Variants in ZCCHC4 observed in about 807,000 individuals in gnomAD.
ZCCHC4 encodes zinc finger CCHC-type containing 4, also known as rRNA N(6)-adenosine-methyltransferase ZCCHC4.
ZCCHC4 carries 54 observed loss-of-function variants against 67.7 expected under a neutral mutation model. The ratio of observed to expected loss-of-function variants is 0.80; its 90% CI spans 0.64 to 1.00. The LOEUF (loss-of-function observed/expected upper bound fraction) is 1.00. Among genes scored for constraint, ZCCHC4 ranks in the 50% least tolerant of loss-of-function variants. The pLI is 0.00. For missense variants in ZCCHC4, 609 were observed against 617.0 expected (o/e 0.99, Z 0.14); for synonymous variants, 198 against 213.5 (o/e 0.93, Z 0.63).
chr4:25,368,528 TC>T (rs1348788523), intron 12 of ZCCHC4, among the ~76,000 whole-genome samples: 4 of 152,192 alleles, frequency 2.6e-5, no homozygotes, highest in Non-Finnish European at 1.5e-5. Context: ...GACTTTTAGA[TC>T]CGCTGAGGAA....
chr4:25,369,783 T>C lies in ZCCHC4; in HGVS notation c.*619T>C, dbSNP rs1484249726. 1 of 152,218 alleles carries C rather than the reference T, an allele frequency of 6.6e-6. No homozygotes were observed. The highest frequency in any genetic ancestry group is 1.9e-4 in the East Asian group (1 of 5,190). The allele number at this position is 152,218 out of a possible 1,614,324, so 9.4% of individuals were successfully genotyped here. A position where few individuals can be genotyped will look rare whatever the true frequency, so the allele number is the denominator to read the frequency against. On this transcript the variant is annotated 3_prime_UTR_variant, in exon 13 of 13. Coordinates refer to ENST00000302874, the MANE Select transcript of ZCCHC4 (RefSeq NM_024936.3). ...TATCCAAAAAATGGGCAGACCATTCTTTTGCAGAAGATGTCAGAAGAAAAT... is the reference window on the plus strand; with the variant it reads ...TATCCAAAAAATGGGCAGACCATTCCTTTGCAGAAGATGTCAGAAGAAAAT...
intron 3 of ZCCHC4, 108 bp from the exon 4 acceptor site, chr4:25,333,075 C>A: frequency 8.9e-7 from 1 of 1,119,746 alleles, no homozygotes; most frequent in Non-Finnish European, 1.2e-6. Context: ...TTACGCAGTA[C>A]TCTTTAGGAA....
chr4:25,318,957 A>T (rs777303645), intron 3 of ZCCHC4, among the ~76,000 whole-genome samples: 2 of 152,128 alleles, frequency 1.3e-5, no homozygotes, highest in Non-Finnish European at 2.9e-5. Context: ...TCATTCACTC[A>T]TTCATTCATT....
At chr4:25,329,596 G>A (rs761910492) in intron 3 of ZCCHC4, among the ~76,000 whole-genome samples, 11 of 148,482 alleles carry the variant, frequency 7.4e-5, no homozygotes, top group East Asian at 2.0e-4. Flanking sequence ...GTGCAGTGGC[G>A]TGATCTCGGC....
chr4:25,344,893 C>G (rs1719931621), intron 5 of ZCCHC4, among the ~76,000 whole-genome samples: 2 of 151,544 alleles, frequency 1.3e-5, no homozygotes, highest in African/African-American at 2.4e-5. Flanking sequence ...TCCTCCGCCT[C>G]CTGGGCTCAA....
In ZCCHC4 at chr4:25,322,851, G is replaced by A. The variant is rs575525137; in HGVS notation, c.329+7451G>A. Among the ~76,000 whole-genome samples the A allele has an allele frequency of 1.2e-4, 19 of 152,200 alleles. 1 individual carries two copies. The highest frequency in any genetic ancestry group is 4.6e-4 in the African/African-American group (19 of 41,526). On this transcript the variant is annotated intron_variant, in intron 3 of 12. Coordinates refer to ENST00000302874, the MANE Select transcript of ZCCHC4 (RefSeq NM_024936.3). ...CCACTTTGAAAGGGTGAATTTTATG[G>A]TACCTGAATTGTATCTCAGTTTAAA...
Position 25,333,350 on chromosome 4 carries a change from A to G in ZCCHC4, c.497A>G (p.Asn166Ser). ...AGTCAACTCCTTTATCCACTGGAAAACAAGAAGACAAATGCCCAGTATCTG... is the reference window on the plus strand; with the variant it reads ...AGTCAACTCCTTTATCCACTGGAAAGCAAGAAGACAAATGCCCAGTATCTG... The part of the protein sequence containing the change: ...RPSQLLYPLE[N>S]KKTNAQYLFA... The change falls in exon 4 of 13, where the codon AAC (asparagine) becomes AGC (serine). Residue 166 changes from asparagine to serine, a missense_variant. Transcript: ENST00000302874. The G allele has an allele frequency of 3.1e-6, 5 of 1,614,132 alleles. No homozygotes were observed. Among genetic ancestry groups the G allele is most frequent in the Non-Finnish European group, 4.2e-6 (5 of 1,180,018 alleles).
In ZCCHC4 at chr4:25,349,492, A is replaced by G. The variant is rs1311612919; in HGVS notation, c.760A>G (p.Thr254Ala). ...MFNHHFFDGK[T>A]ALEVCRAFLQ... ...AGAAATGAATTTTTATTTGTTCCAG[A>G]CTGCCCTTGAAGTATGCAGAGCATT... The change falls in exon 7 of 13, where the codon ACT (threonine) becomes GCT (alanine). Residue 254 changes from threonine (T) to alanine (A), a missense_variant and splice_region_variant. Thr to Ala is a moderately conservative substitution (Grantham distance 58, BLOSUM62 0). Transcript: ENST00000302874. 1.2e-6 allele frequency: 2 copies of G among 1,613,128 alleles called. No homozygotes were observed. Among genetic ancestry groups the G allele is most frequent in the Non-Finnish European group, 1.7e-6 (2 of 1,179,630 alleles).
chr4:25,356,241 G>A (rs1309231968), intron 8 of ZCCHC4, among the ~76,000 whole-genome samples: 2 of 152,260 alleles, frequency 1.3e-5, no homozygotes, highest in Non-Finnish European at 2.9e-5. Context: ...AAATGTCAGG[G>A]ATAATGATGG....
Position 25,345,618 on chromosome 4 carries a change from A to C in ZCCHC4, c.757A>C (p.Lys253Gln), listed in dbSNP as rs1043654972. The change falls in exon 6 of 13, where the codon AAG (lysine) becomes CAG (glutamine). Residue 253 changes from lysine (K) to glutamine (Q), a missense_variant and splice_region_variant. By Grantham distance (53) the Lys-to-Gln change is moderately conservative. Coordinates refer to ENST00000302874, the MANE Select transcript of ZCCHC4 (RefSeq NM_024936.3). Reference sequence around the variant, plus strand: ...GTTTAACCATCATTTCTTTGATGGAAAGGTAAGAGCTGTGACCATTATCTC... The same window carrying C: ...GTTTAACCATCATTTCTTTGATGGACAGGTAAGAGCTGTGACCATTATCTC... ...NMFNHHFFDG[K>Q]TALEVCRAFL... is the part of the protein sequence containing the mutation. 3.8e-6 allele frequency: 6 copies of C among 1,561,600 alleles called. No homozygotes were observed. The highest frequency in any genetic ancestry group is 5.3e-6 in the Non-Finnish European group (6 of 1,137,098).
At chr4:25,335,939 T>A (rs374731476) in intron 5 of ZCCHC4, among the ~76,000 whole-genome samples, 20 of 152,344 alleles carry the variant, frequency 1.3e-4, no homozygotes, top group African/African-American at 4.6e-4. Context: ...TAGCACACTT[T>A]ACTAACATCT....
intron 3 of ZCCHC4, among the ~76,000 whole-genome samples, chr4:25,326,677 C>T (rs1718900266): frequency 1.3e-5 from 2 of 151,970 alleles, no homozygotes; most frequent in South Asian, 4.2e-4. Context: ...ATTATAGGTC[C>T]TTTTTATTTT....
intron 8 of ZCCHC4, among the ~76,000 whole-genome samples, chr4:25,361,383 A>G (rs1392729128): frequency 3.3e-5 from 5 of 152,212 alleles, no homozygotes; most frequent in African/African-American, 1.2e-4. Flanking sequence ...CGCTTTAGTC[A>G]GGAGTAGGCC....
intron 5 of ZCCHC4, among the ~76,000 whole-genome samples, chr4:25,343,296 A>T (rs1719841906): frequency 6.6e-6 from 1 of 152,200 alleles, no homozygotes; most frequent in African/African-American, 2.4e-5. Context: ...ATTTTAGGAA[A>T]TGTGCTAACA....
intron 3 of ZCCHC4, among the ~76,000 whole-genome samples, chr4:25,325,260 A>AG (rs1448301736): frequency 7.3e-6 from 1 of 136,626 alleles, no homozygotes; most frequent in East Asian, 2.0e-4. Flanking sequence ...AAAAAAAAAA[A>AG]AAAGAAATAT....
Position 25,359,309 on chromosome 4 carries a change from G to A in ZCCHC4, c.1012-2550G>A, listed in dbSNP as rs1275919472. ...TCCCTGAGGGATGCAGTACAGATAA[G>A]GGCCCACCAGGTACAGATGGGGCAC... On this transcript the variant is annotated intron_variant, in intron 8 of 12. Coordinates refer to ENST00000302874, the MANE Select transcript of ZCCHC4 (RefSeq NM_024936.3). The surrounding 1 kb of genome is among the most constrained non-coding windows in gnomAD (Gnocchi z 4.9). Among the ~76,000 whole-genome samples the A allele has an allele frequency of 6.6e-6, 1 of 152,200 alleles. No homozygotes were observed. The highest frequency in any genetic ancestry group is 2.4e-5 in the African/African-American group (1 of 41,456).
chr4:25,333,574 A>T, intron 4 of ZCCHC4, 116 bp downstream of exon 4: 1 of 1,167,230 alleles, frequency 8.6e-7, no homozygotes, highest in East Asian at 2.4e-5. Context: ...TTGAGTATTT[A>T]AAATGTAAAG....
chr4:25,350,913 C>T (rs1227044052), intron 7 of ZCCHC4, among the ~76,000 whole-genome samples: 1 of 152,030 alleles, frequency 6.6e-6, no homozygotes, highest in Non-Finnish European at 1.5e-5. Flanking sequence ...GGGATAACAT[C>T]TAATTCTAGG....
Position 25,326,489 on chromosome 4 carries a change from C to T in ZCCHC4, c.330-6694C>T, listed in dbSNP as rs183656659. ...TCATTCAGCCTACTGCAGCACCTTT[C>T]TCAAAAGTCAGTTAACTTTATATGT... On this transcript the variant is annotated intron_variant, in intron 3 of 12. Transcript: ENST00000302874. Among the ~76,000 whole-genome samples, 44 of 152,284 alleles carry T rather than the reference C, an allele frequency of 2.9e-4. 1 individual carries two copies. The East Asian group carries it at 8.3e-3, about 29-fold the overall frequency.
Sources: gnomAD v4.1 joint callset for allele counts (sites outside exome capture counted in the v4.1 genomes callset) on GRCh38, gnomAD v4.1.1 for gene constraint, Gnocchi (gnomAD v3.1) non-coding constraint, MANE v1.5 for transcripts, NCBI Gene and HGNC (gene_info 2026-07-23, HGNC 2026-07-21) for gene names.